Variants in STK32B observed in about 807,000 individuals in gnomAD.
STK32B encodes serine/threonine kinase 32B, also known as serine/threonine-protein kinase 32B.
A neutral mutation model predicts 52.6 loss-of-function variants in STK32B; 43 were observed. That is an observed-to-expected ratio of 0.82 (90% CI 0.64 to 1.05). The LOEUF (loss-of-function observed/expected upper bound fraction) is 1.05, where lower values mean the gene tolerates loss of function less well. Ranked by LOEUF, STK32B falls within the 50% of genes least tolerant of loss-of-function variation. The pLI is 0.00. For missense variants in STK32B, 621 were observed against 534.6 expected, an observed-to-expected ratio of 1.16 and a Z score of -1.59; for synonymous variants, 238 against 204.3, an observed-to-expected ratio of 1.17 and a Z score of -1.41.
intron 4 of STK32B, among the ~76,000 whole-genome samples, chr4:5,368,291 ATT>A (rs1367243887): frequency 2.0e-5 from 3 of 151,046 alleles, no homozygotes; most frequent in Non-Finnish European, 4.4e-5. Flanking sequence ...TAGGTCTACT[ATT>A]ATTCCTAATT....
At chr4:5,340,906 G>A (rs73794573) in intron 4 of STK32B, among the ~76,000 whole-genome samples, 18,621 of 152,026 alleles carry the variant, frequency 0.12, 1,518 homozygotes, top group African/African-American at 0.22. Flanking sequence ...AATCCTCACA[G>A]CAATAAAATG....
At chr4:5,185,757 G>GT (rs1205877350) in intron 3 of STK32B, among the ~76,000 whole-genome samples, 2 of 152,182 alleles carry the variant, frequency 1.3e-5, no homozygotes, top group African/African-American at 2.4e-5. Context: ...TTATCAAAGC[G>GT]TAAGTCTGTG....
rs57889869 is a variant in STK32B, at chr4:5,275,434, G to A, written c.261-55786G>A. The stretch of plus-strand genomic sequence containing the variant: ...ATTTTGATGCAAATATCTTTTTATC[G>A]TGGTTCATGTCTGGGCACTCTCTCA... On this transcript the variant is annotated intron_variant, in intron 3 of 11. Coordinates refer to ENST00000282908, the MANE Select transcript of STK32B (RefSeq NM_018401.3). Among the ~76,000 whole-genome samples, 1,277 of 152,088 alleles carry A rather than the reference G, an allele frequency of 8.4e-3. 17 individuals carry two copies. The highest frequency in any genetic ancestry group is 0.028 in the African/African-American group (1,149 of 41,454).
At chr4:5,226,719 C>G in intron 3 of STK32B, among the ~76,000 whole-genome samples, 1 of 152,086 alleles carries the variant, frequency 6.6e-6, no homozygotes, top group East Asian at 1.9e-4. Context: ...CAAAAAGAAG[C>G]CAAATATATG....
rs992928712 is a variant in STK32B, at chr4:5,469,305, G to T, written c.1106+1235G>T. Among the ~76,000 whole-genome samples, 20 of 152,198 alleles carry T rather than the reference G, an allele frequency of 1.3e-4. No individual in the cohort carries two copies. Among genetic ancestry groups the T allele is most frequent in the African/African-American group, 4.8e-4 (20 of 41,452 alleles). On this transcript the variant is annotated intron_variant, in intron 11 of 11. Transcript: ENST00000282908. The surrounding 1 kb of genome is among the most constrained non-coding windows in gnomAD (Gnocchi z 4.7). Reference sequence around the variant, plus strand: ...TTGGCTTTCAGCAGATGCTAACAGCGCAGGAAACACGTGCTAAGGCCAAGG... The same window carrying T: ...TTGGCTTTCAGCAGATGCTAACAGCTCAGGAAACACGTGCTAAGGCCAAGG...
In STK32B at chr4:5,499,304, G is replaced by C; in HGVS notation, c.*221G>C. 3 of 487,432 alleles carry C rather than the reference G, an allele frequency of 6.2e-6. No homozygotes were observed. 30.2% of individuals were successfully genotyped at this position (487,432 alleles called of 1,614,324 possible). A position where few individuals can be genotyped will look rare whatever the true frequency, so the allele number is the denominator to read the frequency against. On this transcript the variant is annotated 3_prime_UTR_variant, in exon 12 of 12. Coordinates refer to ENST00000282908, the MANE Select transcript of STK32B (RefSeq NM_018401.3). The stretch of plus-strand genomic sequence containing the variant: ...CGCCCTCTCTGTGCCTCCGTTTTCT[G>C]CATCTGCCAAAGGGGTTAAACACTT...
intron 3 of STK32B, among the ~76,000 whole-genome samples, chr4:5,314,619 G>A (rs770957795): frequency 7.2e-5 from 11 of 152,134 alleles, no homozygotes; most frequent in South Asian, 2.1e-4. Flanking sequence ...GCAGTGAGCC[G>A]AAATCACGCC....
At chr4:5,266,718 G>GGGGT (rs1727079883) in intron 3 of STK32B, among the ~76,000 whole-genome samples, 1 of 152,112 alleles carries the variant, frequency 6.6e-6, no homozygotes, top group Admixed American at 6.5e-5. Context: ...AATCTGGGTG[G>GGGGT]GGGTCCTTTC....
chr4:5,043,053 C>T, the STK32B span, among the ~76,000 whole-genome samples: 13 of 147,486 alleles, frequency 8.8e-5, no homozygotes, highest in African/African-American at 2.8e-4. Context: ...TTGCAGTGAG[C>T]CGAGATTGCG....
chr4:5,355,742 A>T (rs1422620490), intron 4 of STK32B, among the ~76,000 whole-genome samples: 1 of 152,154 alleles, frequency 6.6e-6, no homozygotes, highest in East Asian at 1.9e-4. Flanking sequence ...AGAGAGTGAT[A>T]TCACCCCTGG....
intron 4 of STK32B, among the ~76,000 whole-genome samples, chr4:5,353,870 A>C (rs1170542075): frequency 6.6e-6 from 1 of 152,254 alleles, no homozygotes; most frequent in Non-Finnish European, 1.5e-5. Context: ...TGATCCAGGA[A>C]TCCCACTACT....
intron 1 of STK32B, among the ~76,000 whole-genome samples, chr4:5,099,950 C>G (rs1285287935): frequency 2.0e-5 from 3 of 151,020 alleles, no homozygotes; most frequent in Non-Finnish European, 4.4e-5. Flanking sequence ...AAATCTGCAT[C>G]TTTATTTGAG....
chr4:5,490,232 G>A (rs1221424516), intron 11 of STK32B, among the ~76,000 whole-genome samples: 2 of 151,614 alleles, frequency 1.3e-5, no homozygotes, highest in Non-Finnish European at 2.9e-5. Context: ...TCAGCCTCCC[G>A]AGTAGCTGGG....
chr4:5,452,624 C>G (rs1165619386), intron 7 of STK32B, among the ~76,000 whole-genome samples: 1 of 152,036 alleles, frequency 6.6e-6, no homozygotes, highest in Non-Finnish European at 1.5e-5. Flanking sequence ...TTTTCACTTT[C>G]ATCTGTTCTG....
At chr4:5,209,380 C>A (rs527519454) in intron 3 of STK32B, among the ~76,000 whole-genome samples, 21 of 150,214 alleles carry the variant, frequency 1.4e-4, no homozygotes, top group African/African-American at 5.3e-4. Context: ...TGCCACCATG[C>A]CTGGCTAATT....
intron 8 of STK32B, among the ~76,000 whole-genome samples, 191 bp from the exon 9 acceptor site, chr4:5,459,912 C>T (rs942569745): frequency 6.6e-6 from 1 of 152,200 alleles, no homozygotes; most frequent in Admixed American, 6.5e-5. Context: ...CCTGACCTCT[C>T]AGTTTCTCCC....
At chr4:5,256,472 C>T (rs1380370334) in intron 3 of STK32B, among the ~76,000 whole-genome samples, 1 of 152,154 alleles carries the variant, frequency 6.6e-6, no homozygotes. Context: ...GTAATTCTTC[C>T]CCGGCTCTAG....
At chr4:5,435,304 C>T (rs1713959113) in intron 6 of STK32B, among the ~76,000 whole-genome samples, 1 of 152,160 alleles carries the variant, frequency 6.6e-6, no homozygotes, top group Non-Finnish European at 1.5e-5. Context: ...CCTTTCTGGG[C>T]ATAACCACAG....
At chr4:5,085,377 A>G (rs1012761084) in intron 1 of STK32B, among the ~76,000 whole-genome samples, 3 of 152,208 alleles carry the variant, frequency 2.0e-5, no homozygotes, top group Non-Finnish European at 4.4e-5. Context: ...AATATAGCAT[A>G]TTAAGGATTC....
Sources: allele counts gnomAD v4.1 joint callset (sites outside exome capture counted in the v4.1 genomes callset), GRCh38; gene constraint gnomAD v4.1.1; non-coding constraint Gnocchi (gnomAD v3.1); transcripts MANE v1.5; gene names NCBI Gene and HGNC (gene_info 2026-07-23, HGNC 2026-07-21).